The following RETREG1 variants were observed in gnomAD, a reference collection of about 807,000 sequenced individuals.
RETREG1 encodes reticulophagy regulator 1, also known as family with sequence similarity 134 member B.
A neutral mutation model predicts 54.8 loss-of-function variants in RETREG1; 44 were observed. The observed-to-expected ratio is 0.80, with a 90% CI of 0.63 to 1.03. RETREG1 has a LOEUF of 1.03. RETREG1 is among the 50% of genes least tolerant of loss of function. The pLI is 0.00. For missense variants in RETREG1, 554 were observed against 605.1 expected, an observed-to-expected ratio of 0.92 and a Z score of 0.89; for synonymous variants, 217 against 238.5, an observed-to-expected ratio of 0.91 and a Z score of 0.83.
At position 16,597,647 on chromosome 5, in the gene RETREG1, G is replaced by A. The variant is rs1381194377; in HGVS notation, c.320+19005C>T. The stretch of plus-strand genomic sequence containing the variant: ...TTGGTCCTCCCCCACCCACAAGAGT[G>A]ACCCCACCAGTGGCTTCCTATAGAA... On this transcript the variant is annotated intron_variant, in intron 1 of 8. Transcript: ENST00000306320. The surrounding 1 kb of genome is among the most constrained non-coding windows in gnomAD (Gnocchi z 4.3). 6.6e-6 allele frequency among the ~76,000 whole-genome samples: 1 copy of A among 152,104 alleles called. No individual in the cohort carries two copies. The highest frequency in any genetic ancestry group is 2.4e-5 in the African/African-American group (1 of 41,422).
chr5:16,616,700 C>G lies in RETREG1; in HGVS notation c.272G>C (p.Arg91Thr). 1 of 1,594,212 alleles carries G rather than the reference C, an allele frequency of 6.3e-7. No individual in the cohort carries two copies. The highest frequency in any genetic ancestry group is 1.7e-4 in the Middle Eastern group (1 of 6,048). ...CRADELLSWK[R>T]PLRSLLGFVA... ...GAAGCCGAGCAGGCTCCGCAGCGGC[C>G]TCTTCCAGCTCAGCAGCTCGTCGGC... Residue 91 changes from arginine (R) to threonine (T), a missense_variant, in exon 1 of 9, where the codon AGG becomes ACG. By Grantham distance (71) the Arg-to-Thr change is moderately conservative. Transcript: ENST00000306320.
chr5:16,609,432 T>C (rs931064704), intron 1 of RETREG1, among the ~76,000 whole-genome samples: 7 of 152,186 alleles, frequency 4.6e-5, no homozygotes, highest in Non-Finnish European at 7.3e-5. Flanking sequence ...CTAAATGATA[T>C]ATATTTACTT....
chr5:16,610,597 G>C (rs1293678942), intron 1 of RETREG1, among the ~76,000 whole-genome samples: 1 of 152,186 alleles, frequency 6.6e-6, no homozygotes, highest in Non-Finnish European at 1.5e-5. Flanking sequence ...AGTGGGCGAA[G>C]GATATGAACA....
At position 16,528,952 on chromosome 5, in the gene RETREG1, G is replaced by A. The variant is rs149223763; in HGVS notation, c.458+36811C>T. ...TACATACCCTCACCCACACGTACAC[G>A]CACCATACAAGTTATAAAAGAATAT... On this transcript the variant is annotated intron_variant, in intron 3 of 8. Transcript: ENST00000306320. Among the ~76,000 whole-genome samples the A allele has an allele frequency of 2.9e-3, 445 of 152,082 alleles. 10 individuals carry two copies. Among genetic ancestry groups the A allele is most frequent in the Admixed American group, 0.026 (391 of 15,282 alleles).
chr5:16,523,306 G>A (rs542212916), intron 3 of RETREG1, among the ~76,000 whole-genome samples: 39 of 152,126 alleles, frequency 2.6e-4, no homozygotes, highest in Admixed American at 1.7e-3. Context: ...CAGGCACCAC[G>A]CCACATTCAA....
chr5:16,555,030 A>G (rs1156965509), intron 3 of RETREG1, among the ~76,000 whole-genome samples: 1 of 151,220 alleles, frequency 6.6e-6, no homozygotes, highest in Non-Finnish European at 1.5e-5. Flanking sequence ...ACCACTCCCT[A>G]CTCCCTCTTC....
chr5:16,549,996 T>C (rs1352852133), intron 3 of RETREG1, among the ~76,000 whole-genome samples: 3 of 152,252 alleles, frequency 2.0e-5, no homozygotes, highest in Non-Finnish European at 4.4e-5. Context: ...AATGTTATAG[T>C]TTAAAAATAC....
intron 8 of RETREG1, among the ~76,000 whole-genome samples, chr5:16,477,079 C>T (rs1010977222): frequency 6.6e-6 from 1 of 152,184 alleles, no homozygotes; most frequent in South Asian, 2.1e-4. Context: ...CCCACATTAT[C>T]GCTTGGGACA....
rs1320217144 is a variant in RETREG1, at chr5:16,616,872, G to C, written c.100C>G (p.Pro34Ala). The change falls in exon 1 of 9, where the codon CCC becomes GCC. Residue 34 changes from proline (P) to alanine (A), a missense_variant. Pro to Ala is a conservative substitution (Grantham distance 27, BLOSUM62 -1). Around this residue, in one of 4 missense-constraint regions of RETREG1, gnomAD observed 175 missense variants for 142.1 expected, o/e 1.23. Transcript: ENST00000306320. ...TCCTCCTGCTGCTGCCGCTCTGCGG[G>C]GGATGCCTGGGGCGGTGGCGGCGAC... ...PPSPPPPQAS[P>A]AERQQQEEEA... 5 of 1,496,190 alleles carry C rather than the reference G, an allele frequency of 3.3e-6. No homozygotes were observed. Among genetic ancestry groups the C allele is most frequent in the Non-Finnish European group, 4.4e-6 (5 of 1,130,466 alleles). The allele number at this position is 1,496,190 out of a possible 1,614,324, so 92.7% of individuals were successfully genotyped here.
At chr5:16,544,499 T>C (rs1007440299) in intron 3 of RETREG1, among the ~76,000 whole-genome samples, 1 of 152,210 alleles carries the variant, frequency 6.6e-6, no homozygotes, top group African/African-American at 2.4e-5. Context: ...TTCCCTAACC[T>C]GGGGTTATGA....
chr5:16,531,689 G>T (rs191459593), intron 3 of RETREG1, among the ~76,000 whole-genome samples: 66 of 152,220 alleles, frequency 4.3e-4, no homozygotes, highest in Admixed American at 3.6e-3. Flanking sequence ...AAAATTCCAG[G>T]CAGAAGCAAG....
At chr5:16,598,967 G>A (rs1221234223) in intron 1 of RETREG1, among the ~76,000 whole-genome samples, 2 of 152,294 alleles carry the variant, frequency 1.3e-5, no homozygotes, top group African/African-American at 2.4e-5. Context: ...CACTTGAGAG[G>A]TGGGAGGATC....
At chr5:16,499,705 T>G (rs1052526978) in intron 3 of RETREG1, among the ~76,000 whole-genome samples, 1 of 152,256 alleles carries the variant, frequency 6.6e-6, no homozygotes, top group East Asian at 1.9e-4. Flanking sequence ...ACCACCATCA[T>G]GTGTGGGTGT....
chr5:16,560,972 A>C (rs1406405124), intron 3 of RETREG1, among the ~76,000 whole-genome samples: 1 of 152,096 alleles, frequency 6.6e-6, no homozygotes, highest in Non-Finnish European at 1.5e-5. Context: ...AAAAGACAAC[A>C]ATATGAAAGG....
At chr5:16,497,425 T>C (rs1739506321) in intron 3 of RETREG1, among the ~76,000 whole-genome samples, 1 of 152,244 alleles carries the variant, frequency 6.6e-6, no homozygotes, top group African/African-American at 2.4e-5. Context: ...AGATTGGACA[T>C]GTAAAGTATT....
chr5:16,478,837 A>C lies in RETREG1; in HGVS notation c.808+13T>G. 9 of 1,609,972 alleles carry C rather than the reference A, an allele frequency of 5.6e-6. No homozygotes were observed. Among genetic ancestry groups the C allele is most frequent in the Non-Finnish European group, 7.6e-6 (9 of 1,176,940 alleles). ...ATTTCATGCATAGAATCTAAAATAT[A>C]AACTTTACCTACCAGATCTCTCACG... On this transcript the variant is annotated intron_variant, in intron 6 of 8. Coordinates refer to ENST00000306320, the MANE Select transcript of RETREG1 (RefSeq NM_001034850.3).
chr5:16,588,006 C>T (rs1448258502), intron 1 of RETREG1, among the ~76,000 whole-genome samples: 2 of 152,154 alleles, frequency 1.3e-5, no homozygotes, highest in Admixed American at 6.5e-5. Flanking sequence ...CTGGGCTCCA[C>T]AGTAAGATTT....
intron 3 of RETREG1, among the ~76,000 whole-genome samples, chr5:16,539,975 G>A (rs1042718695): frequency 7.2e-5 from 11 of 152,264 alleles, no homozygotes; most frequent in Admixed American, 3.3e-4. Flanking sequence ...TGAAGGATGC[G>A]CATGTTAAAA....
At chr5:16,559,555 A>AG (rs1427020388) in intron 3 of RETREG1, among the ~76,000 whole-genome samples, 1 of 152,262 alleles carries the variant, frequency 6.6e-6, no homozygotes, top group Admixed American at 6.5e-5. Flanking sequence ...TTAGATGCCA[A>AG]GGAAAAAATT....
Sources: allele counts gnomAD v4.1 joint callset (sites outside exome capture counted in the v4.1 genomes callset), GRCh38; gene constraint gnomAD v4.1.1; regional missense constraint gnomAD v4.1.1; non-coding constraint Gnocchi (gnomAD v3.1); transcripts MANE v1.5; gene names NCBI Gene and HGNC (gene_info 2026-07-23, HGNC 2026-07-21).